The following YTHDF3 variants were observed in gnomAD, a reference collection of about 807,000 sequenced individuals.
YTHDF3 encodes YTH N6-methyladenosine RNA binding protein F3, also known as YTH domain-containing family protein 3.
Under a neutral mutation model 52.5 loss-of-function variants are expected in YTHDF3, and 9 were observed. That is an observed-to-expected ratio of 0.17 (90% CI 0.10 to 0.30). The LOEUF is 0.30. Among genes scored for constraint, YTHDF3 ranks in the 10% least tolerant of loss-of-function variants. The pLI is 1.00. For missense variants in YTHDF3, 534 were observed against 715.0 expected (o/e 0.75, Z 2.89); for synonymous variants, 274 against 243.3 (o/e 1.13, Z -1.18).
chr8:63,184,388 CCT>C (rs60682371), intron 3 of YTHDF3, among the ~76,000 whole-genome samples: 3,539 of 152,204 alleles, frequency 0.023, 127 homozygotes, highest in African/African-American at 0.081. Flanking sequence ...TTAAATGTAA[CCT>C]CTGTTACATT....
intron 3 of YTHDF3, among the ~76,000 whole-genome samples, chr8:63,181,185 TC>T (rs1336825830): frequency 2.6e-5 from 4 of 152,246 alleles, no homozygotes; most frequent in African/African-American, 9.6e-5. Flanking sequence ...GCTATCTTTA[TC>T]AGAGAAGTAC....
chr8:63,181,184 A>G (rs1808108627), intron 3 of YTHDF3, among the ~76,000 whole-genome samples: 3 of 152,250 alleles, frequency 2.0e-5, no homozygotes, highest in Non-Finnish European at 2.9e-5. Flanking sequence ...AGCTATCTTT[A>G]TCAGAGAAGT....
chr8:63,202,068 A>C (rs1458208005), intron 4 of YTHDF3, among the ~76,000 whole-genome samples: 1 of 152,194 alleles, frequency 6.6e-6, no homozygotes, highest in Non-Finnish European at 1.5e-5. Flanking sequence ...CCAAAGATAA[A>C]TGACCCTTTT....
chr8:63,182,603 T>G (rs1481222033), intron 3 of YTHDF3, among the ~76,000 whole-genome samples: 1 of 152,198 alleles, frequency 6.6e-6, no homozygotes, highest in Non-Finnish European at 1.5e-5. Flanking sequence ...CTGAATGCTT[T>G]CTTATAAAGA....
At chr8:63,168,553 AG>A, upstream of YTHDF3, 1 of 469,722 alleles carries the variant, frequency 2.1e-6, no homozygotes. Context: ...AGGGTGGGGG[AG>A]GAAGAGCGAG....
At chr8:63,200,032 G>C (rs1302160694) in intron 4 of YTHDF3, among the ~76,000 whole-genome samples, 1 of 152,200 alleles carries the variant, frequency 6.6e-6, no homozygotes, top group Non-Finnish European at 1.5e-5. Flanking sequence ...GGCACAGCTT[G>C]TCTGGGTCCT....
At chr8:63,178,517 ATTTGT>A (rs1178133805) in intron 3 of YTHDF3, among the ~76,000 whole-genome samples, 1 of 152,212 alleles carries the variant, frequency 6.6e-6, no homozygotes, top group Non-Finnish European at 1.5e-5. Context: ...TGTAAAATAG[ATTTGT>A]TTTAACTCAT....
At chr8:63,178,793 C>G (rs1321667063) in intron 3 of YTHDF3, among the ~76,000 whole-genome samples, 1 of 152,092 alleles carries the variant, frequency 6.6e-6, no homozygotes, top group African/African-American at 2.4e-5. Context: ...TAAGTACTCT[C>G]AATTATCTAG....
At position 63,186,516 on chromosome 8, in the gene YTHDF3, G is replaced by A; in HGVS notation, c.505G>A (p.Gly169Arg). Residue 169 changes from glycine (G) to arginine (R), a missense_variant, in exon 4 of 5, where the codon GGA becomes AGA. By Grantham distance (125) the Gly-to-Arg change is moderately radical. This residue lies in a region of YTHDF3 where 196 missense variants were observed against 299.5 expected (regional missense o/e 0.65). Transcript: ENST00000539294. Reference sequence around the variant, plus strand: ...TTCTCTTGGGAGAGCTATTACTGATGGACAGGCTGGATTTGGCAATGATAC... The same window carrying A: ...TTCTCTTGGGAGAGCTATTACTGATAGACAGGCTGGATTTGGCAATGATAC... Reference protein sequence around the residue: ...PSSLGRAITDGQAGFGNDTLS... With the variant: ...PSSLGRAITDRQAGFGNDTLS... 1 of 1,613,992 alleles carries A rather than the reference G, an allele frequency of 6.2e-7. No individual in the cohort carries two copies. The highest frequency in any genetic ancestry group is 8.5e-7 in the Non-Finnish European group (1 of 1,179,888).
chr8:63,169,561 CT>C (rs1384965820), intron 2 of YTHDF3, 150 bp downstream of exon 2: 1 of 808,240 alleles, frequency 1.2e-6, no homozygotes, highest in East Asian at 2.7e-5. Flanking sequence ...TAGCCAAGTT[CT>C]ATCCAGAACT....
At chr8:63,171,128 T>A (rs1366240679) in intron 2 of YTHDF3, among the ~76,000 whole-genome samples, 2 of 152,176 alleles carry the variant, frequency 1.3e-5, no homozygotes. Flanking sequence ...TCTTTCCCCC[T>A]TGTTGTTCAG....
At chr8:63,173,764 T>G (rs1807500866) in intron 2 of YTHDF3, 1 of 758,302 alleles carries the variant, frequency 1.3e-6, no homozygotes, top group Non-Finnish European at 1.6e-6. Context: ...CTCTTTATTT[T>G]GGTTTCTAGT....
chr8:63,208,822 C>G (rs1563416300), intron 4 of YTHDF3, among the ~76,000 whole-genome samples: 1 of 152,080 alleles, frequency 6.6e-6, no homozygotes, highest in Non-Finnish European at 1.5e-5. Flanking sequence ...ATGTTATAAG[C>G]CAGCATTCGA....
At chr8:63,208,293 G>A (rs141120523) in intron 4 of YTHDF3, among the ~76,000 whole-genome samples, 1 of 152,252 alleles carries the variant, frequency 6.6e-6, no homozygotes, top group African/African-American at 2.4e-5. Context: ...AGAGAACTGA[G>A]GTTCTCTTTG....
intron 3 of YTHDF3, among the ~76,000 whole-genome samples, chr8:63,179,675 C>T (rs930033906): frequency 6.6e-6 from 1 of 152,250 alleles, no homozygotes; most frequent in Admixed American, 6.5e-5. Flanking sequence ...ACCCCTCCCC[C>T]CTTTCTATTC....
At chr8:63,169,432 T>C in intron 2 of YTHDF3, 21 bp downstream of exon 2, 2 of 1,580,460 alleles carry the variant, frequency 1.3e-6, no homozygotes, top group Non-Finnish European at 8.6e-7. Context: ...ATTTTTTTTT[T>C]TCTTATTGCT....
chr8:63,172,738 C>T (rs1807413087), intron 2 of YTHDF3: 2 of 1,230,042 alleles, frequency 1.6e-6, no homozygotes, highest in South Asian at 8.2e-5. Flanking sequence ...GCTCCTAAGG[C>T]CCATGTTCTA....
At chr8:63,190,440 G>C (rs572581152) in intron 4 of YTHDF3, among the ~76,000 whole-genome samples, 1 of 151,882 alleles carries the variant, frequency 6.6e-6, no homozygotes, top group Non-Finnish European at 1.5e-5. Context: ...ATATATTGTA[G>C]CCATATACAC....
chr8:63,201,660 C>G lies in YTHDF3; in HGVS notation c.1735-8023C>G, dbSNP rs183502802. Among the ~76,000 whole-genome samples, 59 of 152,216 alleles carry G rather than the reference C, an allele frequency of 3.9e-4. 1 individual carries two copies. In the East Asian group the frequency reaches 9.7e-3, roughly 25 times the overall value. On this transcript the variant is annotated intron_variant, in intron 4 of 4. Coordinates refer to ENST00000539294, the MANE Select transcript of YTHDF3 (RefSeq NM_152758.6). ...GAATTTATTGAAAGGTGATTCAACT[C>G]TGGTATTGGCTGCATTTGACGCGCT...
Sources: gnomAD v4.1 joint callset for allele counts (sites outside exome capture counted in the v4.1 genomes callset) on GRCh38, gnomAD v4.1.1 for gene constraint, gnomAD v4.1.1 regional missense constraint, MANE v1.5 for transcripts, NCBI Gene and HGNC (gene_info 2026-07-23, HGNC 2026-07-21) for gene names.